Variants in KCNIP4 observed in about 807,000 individuals in gnomAD.
The protein encoded by KCNIP4 is potassium voltage-gated channel interacting protein 4, also known as Kv channel-interacting protein 4.
Under a neutral mutation model 34.0 loss-of-function variants are expected in KCNIP4, and 12 were observed. That is an observed-to-expected ratio of 0.35 (90% CI 0.23 to 0.57). The LOEUF (loss-of-function observed/expected upper bound fraction) is 0.57. KCNIP4 is among the 20% of genes least tolerant of loss of function. KCNIP4 has a pLI of 0.83. For synonymous variants in KCNIP4, 124 were observed against 102.2 expected (o/e 1.21, Z -1.29); for missense variants, 238 against 311.7 (o/e 0.76, Z 1.78).
intron 1 of KCNIP4, among the ~76,000 whole-genome samples, chr4:21,592,202 ATC>A (rs1401524315): frequency 6.6e-6 from 1 of 152,112 alleles, no homozygotes; most frequent in African/African-American, 2.4e-5. Flanking sequence ...AAGAGATAAC[ATC>A]TGTTTTTTTG....
chr4:21,133,535 C>T (rs1432763916), intron 1 of KCNIP4, among the ~76,000 whole-genome samples: 1 of 152,154 alleles, frequency 6.6e-6, no homozygotes, highest in Non-Finnish European at 1.5e-5. Context: ...TCTGCCCAGG[C>T]TCCAAGGTTA....
At chr4:20,865,240 G>C (rs1370830114) in intron 2 of KCNIP4, among the ~76,000 whole-genome samples, 2 of 151,992 alleles carry the variant, frequency 1.3e-5, no homozygotes, top group Non-Finnish European at 2.9e-5. Context: ...TGAGAGTAAT[G>C]GAGGGAACAT....
At chr4:21,265,365 A>C (rs1761735063) in intron 1 of KCNIP4, among the ~76,000 whole-genome samples, 1 of 152,164 alleles carries the variant, frequency 6.6e-6, no homozygotes. Context: ...GCAATAAAGA[A>C]GTTTGACTTC....
chr4:20,881,514 G>GA (rs1560539135), intron 2 of KCNIP4, among the ~76,000 whole-genome samples: 1 of 152,064 alleles, frequency 6.6e-6, no homozygotes, highest in Non-Finnish European at 1.5e-5. Context: ...TTTGATGCTT[G>GA]AAAAAAATTG....
At chr4:21,847,006 A>AACAACAGATAAGCACCGTTATTC (rs1724060291) in intron 1 of KCNIP4, 1 of 152,150 alleles carries the variant, frequency 6.6e-6, no homozygotes, top group African/African-American at 2.4e-5. Flanking sequence ...GGTAGACAGG[A>AACAACAGATAAGCACCGTTATTC]ACAACAGATA....
At chr4:20,763,259 A>G (rs1455226624) in intron 3 of KCNIP4, among the ~76,000 whole-genome samples, 4 of 152,138 alleles carry the variant, frequency 2.6e-5, no homozygotes, top group African/African-American at 9.7e-5. Flanking sequence ...ATTTTACAGT[A>G]TTTTGCTTTT....
At chr4:21,490,627 G>T (rs1374201943) in intron 1 of KCNIP4, among the ~76,000 whole-genome samples, 1 of 152,140 alleles carries the variant, frequency 6.6e-6, no homozygotes. Flanking sequence ...AAGTCATTCT[G>T]TAAAACCACA....
chr4:20,937,331 T>A (rs1216174721), intron 1 of KCNIP4, among the ~76,000 whole-genome samples: 1 of 145,454 alleles, frequency 6.9e-6, no homozygotes. Flanking sequence ...ACCTCCCAGG[T>A]TCATGCCATT....
At chr4:21,089,142 C>A (rs943799786) in intron 1 of KCNIP4, among the ~76,000 whole-genome samples, 3 of 152,150 alleles carry the variant, frequency 2.0e-5, no homozygotes, top group African/African-American at 4.8e-5. Context: ...TGTCCCTGCC[C>A]AAATCTTGGA....
chr4:21,170,398 C>T (rs760546095), intron 1 of KCNIP4, among the ~76,000 whole-genome samples: 8 of 152,016 alleles, frequency 5.3e-5, no homozygotes, highest in Admixed American at 2.0e-4. Flanking sequence ...GTGTAAGGCC[C>T]CAGACTTTTC....
intron 1 of KCNIP4, among the ~76,000 whole-genome samples, chr4:21,242,025 G>A (rs555628670): frequency 2.7e-4 from 41 of 151,978 alleles, no homozygotes; most frequent in African/African-American, 8.9e-4. Flanking sequence ...TTAGCCAGGC[G>A]TGGTGGTGGG....
At chr4:20,894,454 T>C (rs1726285893) in intron 1 of KCNIP4, among the ~76,000 whole-genome samples, 1 of 152,202 alleles carries the variant, frequency 6.6e-6, no homozygotes, top group Non-Finnish European at 1.5e-5. Flanking sequence ...ATTTTATGAC[T>C]GGCCCATCAC....
chr4:21,754,178 T>C (rs1717348457), intron 1 of KCNIP4, among the ~76,000 whole-genome samples: 1 of 151,820 alleles, frequency 6.6e-6, no homozygotes, highest in Non-Finnish European at 1.5e-5. Context: ...ATTCGCTCAA[T>C]AAAATTTATT....
intron 1 of KCNIP4, among the ~76,000 whole-genome samples, chr4:21,118,134 G>T (rs936150740): frequency 6.6e-6 from 1 of 152,098 alleles, no homozygotes; most frequent in African/African-American, 2.4e-5. Flanking sequence ...TCATGCTGAG[G>T]TTTGTGAACC....
At chr4:21,569,461 G>C (rs1169034230) in intron 1 of KCNIP4, among the ~76,000 whole-genome samples, 1 of 151,786 alleles carries the variant, frequency 6.6e-6, no homozygotes, top group African/African-American at 2.4e-5. Flanking sequence ...ATGAATTTGA[G>C]GATTCATGAC....
At chr4:21,007,246 A>G (rs1322645134) in intron 1 of KCNIP4, among the ~76,000 whole-genome samples, 1 of 152,164 alleles carries the variant, frequency 6.6e-6, no homozygotes, top group African/African-American at 2.4e-5. Flanking sequence ...CTTGGAAGGG[A>G]AACTGAGTTT....
intron 1 of KCNIP4, among the ~76,000 whole-genome samples, chr4:21,095,727 T>C (rs1747405831): frequency 6.6e-6 from 1 of 152,194 alleles, no homozygotes; most frequent in Admixed American, 6.6e-5. Context: ...CCCAAACATA[T>C]GTGACTTTAT....
At chr4:21,084,463 C>A (rs1746250938) in intron 1 of KCNIP4, among the ~76,000 whole-genome samples, 1 of 149,322 alleles carries the variant, frequency 6.7e-6, no homozygotes, top group African/African-American at 2.5e-5. Flanking sequence ...TTTCTCCATG[C>A]CATTTGGAAA....
At chr4:21,301,563 T>C (rs1026143458) in intron 1 of KCNIP4, among the ~76,000 whole-genome samples, 1 of 152,152 alleles carries the variant, frequency 6.6e-6, no homozygotes, top group Non-Finnish European at 1.5e-5. Flanking sequence ...AACTTAGACA[T>C]GCAAAATGGT....
Sources: allele counts gnomAD v4.1 joint callset (sites outside exome capture counted in the v4.1 genomes callset), GRCh38; gene constraint gnomAD v4.1.1; transcripts MANE v1.5; gene names NCBI Gene and HGNC (gene_info 2026-07-23, HGNC 2026-07-21).